SYNPR: variants seen among roughly 807,000 people sequenced by gnomAD.
The protein encoded by SYNPR is synaptoporin.
A neutral mutation model predicts 32.9 loss-of-function variants in SYNPR; 23 were observed. The ratio of observed to expected loss-of-function variants is 0.70; its 90% confidence interval spans 0.50 to 0.99. SYNPR has a LOEUF of 0.99. Among genes scored for constraint, SYNPR ranks in the 50% least tolerant of loss-of-function variants. The pLI is 0.00. For synonymous variants in SYNPR, 146 were observed against 135.9 expected (o/e 1.07, Z -0.52); for missense variants, 318 against 349.3 (o/e 0.91, Z 0.71).
At chr3:63,333,699 C>T (rs949520315) in intron 2 of SYNPR, among the ~76,000 whole-genome samples, 3 of 151,868 alleles carry the variant, frequency 2.0e-5, no homozygotes, top group South Asian at 2.1e-4. Flanking sequence ...ATTACAGGTA[C>T]GAGCCACTAT....
Position 63,336,519 on chromosome 3 carries a change from C to CAAAA in SYNPR, c.84+57817_84+57820dup, listed in dbSNP as rs3082131. 1.4e-3 allele frequency among the ~76,000 whole-genome samples: 70 copies of CAAAA among 48,814 alleles called. 2 individuals are homozygous for CAAAA. The highest frequency in any genetic ancestry group is 1.9e-3 in the South Asian group (2 of 1,074). 32.0% of individuals were successfully genotyped at this position (48,814 alleles called of 152,430 possible). On this transcript the variant is annotated intron_variant, in intron 2 of 5. Coordinates refer to ENST00000478300, the MANE Select transcript of SYNPR (RefSeq NM_001130003.2). The stretch of plus-strand genomic sequence containing the variant: ...ACTAGAACAAGTGGACATTCCCATG[C>CAAAA]AAAAAAAAAAAAAAAAAAAAAAAAA...
At chr3:63,549,412 G>T (rs186068782) in intron 3 of SYNPR, among the ~76,000 whole-genome samples, 56 of 152,316 alleles carry the variant, frequency 3.7e-4, no homozygotes, top group Non-Finnish European at 6.6e-4. Flanking sequence ...GTACTTGCCA[G>T]TGTAGGCTCC....
the SYNPR span, among the ~76,000 whole-genome samples, chr3:63,210,467 G>C: frequency 6.6e-6 from 1 of 152,206 alleles, no homozygotes; most frequent in Non-Finnish European, 1.5e-5. Flanking sequence ...CTCTTTATCT[G>C]AGGATTATTA....
intron 2 of SYNPR, among the ~76,000 whole-genome samples, chr3:63,448,704 A>G (rs1321693353): frequency 6.6e-6 from 1 of 152,162 alleles, no homozygotes; most frequent in Non-Finnish European, 1.5e-5. Flanking sequence ...GATGCCTACC[A>G]TGTGCCAGGC....
intron 2 of SYNPR, among the ~76,000 whole-genome samples, chr3:63,470,721 A>G (rs913217208): frequency 9.9e-5 from 15 of 152,242 alleles, no homozygotes; most frequent in Non-Finnish European, 4.4e-5. Flanking sequence ...CACCTCCCCT[A>G]TAAGACTCAG....
chr3:63,537,884 A>G (rs1451916229), intron 3 of SYNPR, among the ~76,000 whole-genome samples: 1 of 152,150 alleles, frequency 6.6e-6, no homozygotes, highest in Non-Finnish European at 1.5e-5. Flanking sequence ...ATATTCTTGT[A>G]CAACTAACCA....
At chr3:63,201,995 A>G in the SYNPR span, among the ~76,000 whole-genome samples, 1 of 151,986 alleles carries the variant, frequency 6.6e-6, no homozygotes, top group East Asian at 1.9e-4. Flanking sequence ...TAATCTTTAT[A>G]TTAACTATTA....
chr3:63,411,554 G>A (rs2088465559), intron 2 of SYNPR, among the ~76,000 whole-genome samples: 1 of 152,140 alleles, frequency 6.6e-6, no homozygotes, highest in Non-Finnish European at 1.5e-5. Flanking sequence ...AAGTGTGGGA[G>A]GTCAGAGATG....
chr3:63,482,797 A>G (rs1701073264), intron 3 of SYNPR, among the ~76,000 whole-genome samples: 1 of 152,220 alleles, frequency 6.6e-6, no homozygotes, highest in Admixed American at 6.5e-5. Flanking sequence ...TGTATATTTT[A>G]ACATGTACCA....
chr3:63,448,936 A>G (rs1700330792), intron 2 of SYNPR, among the ~76,000 whole-genome samples: 1 of 152,198 alleles, frequency 6.6e-6, no homozygotes, highest in Admixed American at 6.5e-5. Flanking sequence ...AAGGAACAAG[A>G]GTGAATCCAC....
At chr3:63,426,414 G>A (rs941394069) in intron 2 of SYNPR, among the ~76,000 whole-genome samples, 3 of 152,114 alleles carry the variant, frequency 2.0e-5, no homozygotes, top group Non-Finnish European at 2.9e-5. Context: ...AATTAGAAAG[G>A]CAATCAGGTT....
In SYNPR at chr3:63,278,424, C is replaced by G; in HGVS notation, c.-110C>G. On this transcript the variant is annotated 5_prime_UTR_variant, in exon 1 of 6. Transcript: ENST00000478300. ...CCCTCGCCGGGCTGCTCCAGGGTGT[C>G]GCTCCTCTGGCTGCTCCCGAAGGGG... is the stretch of plus-strand genomic sequence containing the variant. The G allele has an allele frequency of 7.2e-7, 1 of 1,387,484 alleles. No homozygotes were observed. The highest frequency in any genetic ancestry group is 2.5e-5 in the East Asian group (1 of 39,510). The allele number at this position is 1,387,484 out of a possible 1,614,324, so 85.9% of individuals were successfully genotyped here. A position where few individuals can be genotyped will look rare whatever the true frequency, so the allele number is the denominator to read the frequency against.
intron 2 of SYNPR, among the ~76,000 whole-genome samples, chr3:63,310,177 C>A (rs1263440792): frequency 2.0e-5 from 3 of 151,932 alleles, no homozygotes; most frequent in Non-Finnish European, 4.4e-5. Flanking sequence ...ATAGTTGAGA[C>A]AAAGTCATTC....
intron 2 of SYNPR, among the ~76,000 whole-genome samples, chr3:63,306,045 T>A (rs1262891018): frequency 1.3e-5 from 2 of 151,998 alleles, no homozygotes. Flanking sequence ...CACTTCTCCA[T>A]CTCCAACAAA....
chr3:63,582,680 A>G (rs1703112008), intron 4 of SYNPR, among the ~76,000 whole-genome samples: 1 of 152,086 alleles, frequency 6.6e-6, no homozygotes, highest in African/African-American at 2.4e-5. Context: ...GGATTTACAA[A>G]AATACATTTG....
intron 3 of SYNPR, among the ~76,000 whole-genome samples, chr3:63,534,993 G>A (rs1702176283): frequency 6.6e-6 from 1 of 151,840 alleles, no homozygotes; most frequent in Non-Finnish European, 1.5e-5. Flanking sequence ...AAAGTGAAGG[G>A]GACAAACAGC....
At chr3:63,453,265 C>T (rs1374304099) in intron 2 of SYNPR, among the ~76,000 whole-genome samples, 1 of 152,088 alleles carries the variant, frequency 6.6e-6, no homozygotes, top group Non-Finnish European at 1.5e-5. Flanking sequence ...GAAATGACCT[C>T]AGCTCTCTTC....
At chr3:63,513,156 C>T (rs561941432) in intron 3 of SYNPR, among the ~76,000 whole-genome samples, 22 of 130,758 alleles carry the variant, frequency 1.7e-4, no homozygotes, top group African/African-American at 5.8e-4. Flanking sequence ...ATCCCCCCCT[C>T]CCCCCCACCC....
chr3:63,521,067 A>C (rs1225570278), intron 3 of SYNPR, among the ~76,000 whole-genome samples: 1 of 152,196 alleles, frequency 6.6e-6, no homozygotes, highest in Non-Finnish European at 1.5e-5. Context: ...GCCTGAAAAG[A>C]GGGTGATACA....
Sources: allele counts gnomAD v4.1 joint callset (sites outside exome capture counted in the v4.1 genomes callset), GRCh38; gene constraint gnomAD v4.1.1; transcripts MANE v1.5; gene names NCBI Gene and HGNC (gene_info 2026-07-23, HGNC 2026-07-21).